OSBPL2: variants seen among roughly 807,000 people sequenced by gnomAD.
OSBPL2 encodes oxysterol binding protein like 2, also known as oxysterol-binding protein-related protein 2.
A neutral mutation model predicts 58.4 loss-of-function variants in OSBPL2; 18 were observed. The ratio of observed to expected loss-of-function variants is 0.31; its 90% CI spans 0.21 to 0.46. The LOEUF (loss-of-function observed/expected upper bound fraction) is 0.46, where lower values mean the gene tolerates loss of function less well. OSBPL2 is among the 20% of genes least tolerant of loss of function. The pLI is 1.00. For synonymous variants in OSBPL2, 221 were observed against 234.1 expected, an observed-to-expected ratio of 0.94 and a Z score of 0.51; for missense variants, 461 against 616.5, an observed-to-expected ratio of 0.75 and a Z score of 2.67.
intron 2 of OSBPL2, among the ~76,000 whole-genome samples, chr20:62,257,169 G>A (rs1045112092): frequency 3.9e-5 from 6 of 152,200 alleles, no homozygotes; most frequent in Non-Finnish European, 5.9e-5. Flanking sequence ...CGATGGCTCC[G>A]TTGGCACCTC....
In OSBPL2 at chr20:62,273,304, TAC is replaced by T; in HGVS notation, c.394-3_394-2del. 1 of 1,606,968 alleles carries T rather than the reference TAC, an allele frequency of 6.2e-7. No homozygotes were observed. Among genetic ancestry groups the T allele is most frequent in the Non-Finnish European group, 8.5e-7 (1 of 1,177,496 alleles). ...GTGCCTGTCCCCCCCGTGGATTATT[TAC>T]AGTCTGTGGCTGCTTTTGCTGTTTC... On this transcript the variant is annotated splice_polypyrimidine_tract_variant and splice_region_variant and intron_variant, in intron 5 of 13. Transcript: ENST00000313733.
At chr20:62,283,957 T>C in intron 9 of OSBPL2, 89 bp from the exon 10 acceptor site, 1 of 1,325,198 alleles carries the variant, frequency 7.5e-7, no homozygotes, top group Non-Finnish European at 1.1e-6. Context: ...AAAACATACC[T>C]GAGGGGAATT....
intron 12 of OSBPL2, chr20:62,291,181 G>A (rs142591524): frequency 5.3e-5 from 10 of 188,588 alleles, no homozygotes; most frequent in Non-Finnish European, 9.0e-5. Flanking sequence ...GATGTTTTCA[G>A]AGAGAAACCC....
chr20:62,263,781 C>T (rs997004453), intron 4 of OSBPL2, 90 bp downstream of exon 4: 3 of 1,200,104 alleles, frequency 2.5e-6, no homozygotes, highest in African/African-American at 1.5e-5. Flanking sequence ...AAAATGCGCT[C>T]TTGGCCGGGC....
At chr20:62,243,965 G>A (rs1213592586) in intron 1 of OSBPL2, among the ~76,000 whole-genome samples, 3 of 152,060 alleles carry the variant, frequency 2.0e-5, no homozygotes, top group Admixed American at 6.6e-5. Context: ...TGGCAGCCAC[G>A]TGGGCAGGTC....
At chr20:62,261,752 G>A (rs1981326444) in intron 3 of OSBPL2, among the ~76,000 whole-genome samples, 1 of 152,168 alleles carries the variant, frequency 6.6e-6, no homozygotes, top group African/African-American at 2.4e-5. Context: ...GTTGTGCAGA[G>A]GCATTTGTGT....
Position 62,273,910 on chromosome 20 carries a change from C to T in OSBPL2, c.491+504C>T, listed in dbSNP as rs6062180. ...CCCCAGAGTTTTAGGAAGGGTCAGA[C>T]GGCTCTGGCCAAGGGAGAGTTAACC... On this transcript the variant is annotated intron_variant, in intron 6 of 13. Coordinates refer to ENST00000313733, the MANE Select transcript of OSBPL2 (RefSeq NM_144498.4). 6.9e-3 allele frequency among the ~76,000 whole-genome samples: 1,056 copies of T among 152,336 alleles called. 16 individuals are homozygous for T. The highest frequency in any genetic ancestry group is 0.023 in the African/African-American group (966 of 41,578).
At chr20:62,245,993 G>C (rs1054336774) in intron 1 of OSBPL2, among the ~76,000 whole-genome samples, 1 of 152,388 alleles carries the variant, frequency 6.6e-6, no homozygotes, top group African/African-American at 2.4e-5. Context: ...GGCCTGGCCT[G>C]GCGGTGTCCT....
rs1214867939 is a variant in OSBPL2 at position 62,288,056 on chromosome 20, G to A, written c.1126-1151G>A. On this transcript the variant is annotated intron_variant, in intron 11 of 13. Transcript: ENST00000313733. This position sits in a 1 kb window ranked among gnomAD's most constrained non-coding sequence, Gnocchi z 4.8. The stretch of plus-strand genomic sequence containing the variant: ...GTAGGGGTGGGGGTGTCTAGGGATT[G>A]CGTTTGGGCGGAGGGGACAGTCAGG... Among the ~76,000 whole-genome samples the A allele has an allele frequency of 6.6e-6, 1 of 152,154 alleles. No homozygotes were observed. The highest frequency in any genetic ancestry group is 1.5e-5 in the Non-Finnish European group (1 of 68,014).
intron 1 of OSBPL2, among the ~76,000 whole-genome samples, chr20:62,240,417 G>A (rs1231153206): frequency 6.6e-6 from 1 of 152,192 alleles, no homozygotes; most frequent in Non-Finnish European, 1.5e-5. Context: ...AATAATGATT[G>A]TTCCAGGACT....
At chr20:62,238,881 C>G (rs1025025024) in intron 1 of OSBPL2, 20 of 152,192 alleles carry the variant, frequency 1.3e-4, no homozygotes, top group African/African-American at 4.8e-4. Flanking sequence ...GCACCCTTCC[C>G]CCTGCGGTCG....
chr20:62,279,853 G>C (rs1219797560), intron 7 of OSBPL2: 2 of 673,174 alleles, frequency 3.0e-6, no homozygotes, highest in African/African-American at 3.9e-5. Flanking sequence ...GAGCTGAGAA[G>C]GAAGCCAGGG....
chr20:62,247,582 A>G (rs55874414), intron 1 of OSBPL2, among the ~76,000 whole-genome samples: 4 of 152,068 alleles, frequency 2.6e-5, no homozygotes, highest in African/African-American at 9.6e-5. Flanking sequence ...TTGACCTGTC[A>G]GGAGGAGGCA....
chr20:62,239,903 A>G lies in OSBPL2; in HGVS notation c.-129+1306A>G, dbSNP rs573296630. 4.6e-5 allele frequency among the ~76,000 whole-genome samples: 7 copies of G among 152,246 alleles called. No homozygotes were observed. In the South Asian group the frequency reaches 1.2e-3, roughly 27 times the overall value. On this transcript the variant is annotated intron_variant, in intron 1 of 13. Coordinates refer to ENST00000313733, the MANE Select transcript of OSBPL2 (RefSeq NM_144498.4). ...AGTCTCGCTTTGTTGCCCAGGCTGG[A>G]GTGCAGTGGTGCGATCTTGACTCAC...
At chr20:62,246,696 C>T (rs1048219965) in intron 1 of OSBPL2, among the ~76,000 whole-genome samples, 3 of 152,156 alleles carry the variant, frequency 2.0e-5, no homozygotes, top group Non-Finnish European at 4.4e-5. Flanking sequence ...AAGAGAGCTG[C>T]GCCCCTGTCC....
At chr20:62,267,588 C>A (rs1035880170) in intron 4 of OSBPL2, among the ~76,000 whole-genome samples, 1 of 152,192 alleles carries the variant, frequency 6.6e-6, no homozygotes, top group Non-Finnish European at 1.5e-5. Context: ...CAGCTAGGAA[C>A]TGTGTTTTTG....
At chr20:62,280,161 G>A (rs1480374460) in intron 7 of OSBPL2, 33 of 1,259,560 alleles carry the variant, frequency 2.6e-5, no homozygotes, top group Non-Finnish European at 3.5e-5. Flanking sequence ...TCTTGTTGTA[G>A]GCAGCAGGTC....
At chr20:62,292,920 T>G (rs1399268017) in intron 13 of OSBPL2, among the ~76,000 whole-genome samples, 1 of 150,534 alleles carries the variant, frequency 6.6e-6, no homozygotes, top group East Asian at 2.0e-4. Context: ...CAGGCTGGAG[T>G]GCAGTGGCGT....
At chr20:62,291,235 T>C in intron 12 of OSBPL2, 1 of 233,946 alleles carries the variant, frequency 4.3e-6, no homozygotes, top group Non-Finnish European at 8.6e-6. Context: ...TTCTCATGCT[T>C]TGTATTCAGA....
Sources: gnomAD v4.1 joint callset for allele counts (sites outside exome capture counted in the v4.1 genomes callset) on GRCh38, gnomAD v4.1.1 for gene constraint, Gnocchi (gnomAD v3.1) non-coding constraint, MANE v1.5 for transcripts, NCBI Gene and HGNC (gene_info 2026-07-23, HGNC 2026-07-21) for gene names.